GRID2: variants seen among roughly 807,000 people sequenced by gnomAD.
GRID2 encodes glutamate ionotropic receptor delta type subunit 2, also known as glutamate receptor ionotropic, delta-2.
In GRID2, 33 loss-of-function variants were observed where a neutral mutation model predicts 114.8. That is an observed-to-expected ratio of 0.29 (90% CI 0.22 to 0.38). The LOEUF (loss-of-function observed/expected upper bound fraction) is 0.38. GRID2 is among the 10% of genes least tolerant of loss of function. The probability of loss-of-function intolerance (pLI) is 1.00; values close to 1 mark genes in which losing one functional copy is unlikely to be tolerated. For synonymous variants in GRID2, 505 were observed against 449.9 expected (o/e 1.12, Z -1.55); for missense variants, 1,184 against 1,257.7 (o/e 0.94, Z 0.89).
rs565346193 is a variant in GRID2, at chr4:93,715,257, C to T, written c.2361-53953C>T. Among the ~76,000 whole-genome samples, 201 of 151,966 alleles carry T rather than the reference C, an allele frequency of 1.3e-3. 2 individuals are homozygous for T. Among genetic ancestry groups the T allele is most frequent in the Admixed American group, 5.5e-3 (84 of 15,240 alleles). ...GATGGTTGTAGGAGTGCAGTCTTAC[C>T]TCTGCATTCTCTATTTTGTTCCATC... is the stretch of plus-strand genomic sequence containing the variant. On this transcript the variant is annotated intron_variant, in intron 14 of 15. Coordinates refer to ENST00000282020, the MANE Select transcript of GRID2 (RefSeq NM_001510.4).
intron 14 of GRID2, among the ~76,000 whole-genome samples, chr4:93,652,601 T>A (rs1358298959): frequency 6.6e-6 from 1 of 151,842 alleles, no homozygotes; most frequent in Non-Finnish European, 1.5e-5. Flanking sequence ...TTTGTGTAAC[T>A]ACACTCCATA....
chr4:93,078,114 C>G (rs572472832), intron 2 of GRID2, among the ~76,000 whole-genome samples: 4 of 152,164 alleles, frequency 2.6e-5, no homozygotes, highest in African/African-American at 9.7e-5. Context: ...CACTTGGCTC[C>G]TCTTTCTGCC....
intron 14 of GRID2, among the ~76,000 whole-genome samples, chr4:93,761,695 A>G (rs1733226012): frequency 6.6e-6 from 1 of 152,214 alleles, no homozygotes; most frequent in Admixed American, 6.6e-5. Flanking sequence ...TCAACTAGCT[A>G]GAAGAAATAG....
At chr4:93,328,707 TTGGATGGA>T (rs34951218) in intron 8 of GRID2, among the ~76,000 whole-genome samples, 608 of 149,814 alleles carry the variant, frequency 4.1e-3, no homozygotes, top group Admixed American at 7.5e-3. Flanking sequence ...GGATGGATGG[TTGGATGGA>T]TGGATGGATG....
chr4:92,322,483 A>T (rs1394343922), intron 1 of GRID2, among the ~76,000 whole-genome samples: 1 of 152,104 alleles, frequency 6.6e-6, no homozygotes, highest in African/African-American at 2.4e-5. Flanking sequence ...ATTTACCCTG[A>T]TGTGATTACT....
chr4:93,794,335 G>A (rs1055747969), intron 1 of GRID2, among the ~76,000 whole-genome samples: 7 of 152,220 alleles, frequency 4.6e-5, no homozygotes, highest in African/African-American at 9.6e-5. Flanking sequence ...TAATCCAAGC[G>A]TTACAAATGG....
chr4:92,835,302 AT>A (rs547337848), intron 2 of GRID2, among the ~76,000 whole-genome samples: 71 of 152,260 alleles, frequency 4.7e-4, no homozygotes, highest in African/African-American at 1.6e-3. Context: ...CTATGCATAC[AT>A]TAATTATTTT....
intron 1 of GRID2, among the ~76,000 whole-genome samples, chr4:92,586,414 A>T (rs186738410): frequency 1.6e-3 from 241 of 151,624 alleles, no homozygotes; most frequent in African/African-American, 5.5e-3. Context: ...ACAGACACCA[A>T]GCATATATCT....
intron 8 of GRID2, among the ~76,000 whole-genome samples, chr4:93,381,588 A>G (rs1401661719): frequency 1.6e-4 from 24 of 152,072 alleles, no homozygotes. Flanking sequence ...TATAGCTATT[A>G]CATTTAACAT....
intron 1 of GRID2, among the ~76,000 whole-genome samples, chr4:92,502,886 T>A (rs1005322190): frequency 6.6e-6 from 1 of 151,814 alleles, no homozygotes; most frequent in Non-Finnish European, 1.5e-5. Context: ...CCCAGCTGAT[T>A]TTTGTATTTT....
chr4:92,676,095 AGTT>A (rs1025218335), intron 2 of GRID2, among the ~76,000 whole-genome samples: 1 of 140,740 alleles, frequency 7.1e-6, no homozygotes, highest in Non-Finnish European at 1.5e-5. Flanking sequence ...TTTTTAAAAT[AGTT>A]TTTTGTTTGA....
chr4:92,871,076 TA>T (rs1745237850), intron 2 of GRID2, among the ~76,000 whole-genome samples: 1 of 152,186 alleles, frequency 6.6e-6, no homozygotes, highest in African/African-American at 2.4e-5. Flanking sequence ...TTTCATTTTT[TA>T]AAACATGTAT....
chr4:92,963,914 C>A (rs1578619037), intron 2 of GRID2, among the ~76,000 whole-genome samples: 1 of 152,002 alleles, frequency 6.6e-6, no homozygotes, highest in Non-Finnish European at 1.5e-5. Flanking sequence ...GGCATAAAAT[C>A]AATATTAATT....
chr4:92,627,580 G>A (rs1018779421), intron 2 of GRID2, among the ~76,000 whole-genome samples: 9 of 151,904 alleles, frequency 5.9e-5, no homozygotes, highest in African/African-American at 2.2e-4. Flanking sequence ...TATATCCATA[G>A]CCAACATATT....
chr4:92,364,213 G>T (rs1256531252), intron 1 of GRID2, among the ~76,000 whole-genome samples: 5 of 151,934 alleles, frequency 3.3e-5, no homozygotes, highest in Non-Finnish European at 7.4e-5. Flanking sequence ...TTTAAACACT[G>T]CTTGTAGCCT....
intron 4 of GRID2, among the ~76,000 whole-genome samples, chr4:93,167,464 A>G (rs1259441981): frequency 6.6e-6 from 1 of 152,136 alleles, no homozygotes; most frequent in Non-Finnish European, 1.5e-5. Context: ...TTAAAAGTCT[A>G]TATTGCATCC....
At chr4:93,681,442 G>A (rs376870981) in intron 14 of GRID2, among the ~76,000 whole-genome samples, 70 of 151,386 alleles carry the variant, frequency 4.6e-4, no homozygotes, top group Middle Eastern at 6.8e-3. Context: ...TAAAGTTCAT[G>A]TGGAACCAAA....
chr4:93,671,553 C>T lies in GRID2; in HGVS notation c.2360+45118C>T, dbSNP rs574372700. ...TAGCCCCTCTACAACTCAGTTTCCC[C>T]GTCTATGAAATTATGGTGATAATTT... is the stretch of plus-strand genomic sequence containing the variant. On this transcript the variant is annotated intron_variant, in intron 14 of 15. Transcript: ENST00000282020. Among the ~76,000 whole-genome samples the T allele has an allele frequency of 9.2e-5, 14 of 152,218 alleles. No homozygotes were observed. In the South Asian group the frequency reaches 2.3e-3, roughly 25 times the overall value.
chr4:93,403,352 A>T (rs1275653054), intron 9 of GRID2, among the ~76,000 whole-genome samples: 3 of 152,106 alleles, frequency 2.0e-5, no homozygotes, highest in Non-Finnish European at 4.4e-5. Context: ...GTGGCAAATG[A>T]GGAGTTCCAT....
Sources: allele counts gnomAD v4.1 joint callset (sites outside exome capture counted in the v4.1 genomes callset), GRCh38; gene constraint gnomAD v4.1.1; transcripts MANE v1.5; gene names NCBI Gene and HGNC (gene_info 2026-07-23, HGNC 2026-07-21).